Variants in MYO1B observed in about 807,000 individuals in gnomAD.
MYO1B encodes myosin IB.
A neutral mutation model predicts 159.7 loss-of-function variants in MYO1B; 72 were observed. The ratio of observed to expected loss-of-function variants is 0.45; its 90% CI spans 0.37 to 0.55. MYO1B has a LOEUF of 0.55. MYO1B is among the 20% of genes least tolerant of loss of function. The pLI is 0.00. For synonymous variants in MYO1B, 468 were observed against 473.8 expected (o/e 0.99, Z 0.16); for missense variants, 1,062 against 1,364.8 (o/e 0.78, Z 3.50).
intron 9 of MYO1B, 166 bp from the exon 10 acceptor site, chr2:191,363,562 G>C: frequency 4.5e-6 from 2 of 443,474 alleles, no homozygotes; most frequent in Non-Finnish European, 6.0e-6. Flanking sequence ...CACAGCACCA[G>C]AGGTACCCCC....
At position 191,411,105 on chromosome 2, in the gene MYO1B, C is replaced by T. The variant is rs149864441; in HGVS notation, c.2806C>T (p.Leu936Phe). The change falls in exon 27 of 31, where the codon CTT becomes TTT. Residue 936 changes from leucine to phenylalanine, a missense_variant. Physicochemically the swap from Leu to Phe is conservative, Grantham distance 22. Coordinates refer to ENST00000392318, the MANE Select transcript of MYO1B (RefSeq NM_001130158.3). ...GGACCAATTCACAGACCAGCAGAAA[C>T]TTATTTATGAAGAGAAACTAGAAGC... ...YRDQFTDQQK[L>F]IYEEKLEASE... The T allele has an allele frequency of 4.3e-6, 7 of 1,612,016 alleles. No homozygotes were observed. In the African/African-American group the frequency reaches 8.0e-5, roughly 18 times the overall value.
chr2:191,333,982 C>G (rs1294569236), intron 4 of MYO1B, among the ~76,000 whole-genome samples: 2 of 152,136 alleles, frequency 1.3e-5, no homozygotes, highest in Admixed American at 6.5e-5. Flanking sequence ...CTATTTGACT[C>G]TATCTACAAG....
chr2:191,365,935 G>A (rs138367930), intron 11 of MYO1B, among the ~76,000 whole-genome samples: 8 of 152,314 alleles, frequency 5.3e-5, no homozygotes, highest in African/African-American at 1.4e-4. Flanking sequence ...CTGGTGGACT[G>A]ACTGACTAAA....
intron 4 of MYO1B, among the ~76,000 whole-genome samples, chr2:191,330,287 C>CA (rs1691385865): frequency 6.6e-6 from 1 of 152,132 alleles, no homozygotes; most frequent in Non-Finnish European, 1.5e-5. Flanking sequence ...CTGGATGGTG[C>CA]AAGATCTTTT....
chr2:191,265,135 G>A (rs1433149490), intron 1 of MYO1B, among the ~76,000 whole-genome samples: 1 of 151,322 alleles, frequency 6.6e-6, no homozygotes, highest in Admixed American at 6.6e-5. Context: ...ACTAAATTCA[G>A]TACATTTCTC....
chr2:191,320,425 T>C (rs1690630583), intron 3 of MYO1B, among the ~76,000 whole-genome samples: 2 of 152,178 alleles, frequency 1.3e-5, no homozygotes, highest in Non-Finnish European at 2.9e-5. Context: ...AAGACTCTTA[T>C]TATTCTTATT....
At chr2:191,289,852 T>C (rs749307550) in intron 2 of MYO1B, among the ~76,000 whole-genome samples, 5 of 152,186 alleles carry the variant, frequency 3.3e-5, no homozygotes, top group Non-Finnish European at 7.3e-5. Flanking sequence ...ATAAAAGATA[T>C]TAAAACTATT....
At chr2:191,292,209 C>T (rs1018954211) in intron 2 of MYO1B, among the ~76,000 whole-genome samples, 1 of 152,170 alleles carries the variant, frequency 6.6e-6, no homozygotes, top group Non-Finnish European at 1.5e-5. Flanking sequence ...TCCTGCTTGG[C>T]ACCATTTTTA....
At chr2:191,308,017 C>T (rs966620750) in intron 3 of MYO1B, among the ~76,000 whole-genome samples, 1 of 152,078 alleles carries the variant, frequency 6.6e-6, no homozygotes, top group Admixed American at 6.5e-5. Flanking sequence ...ACCCAATCTC[C>T]AGCTCCCCTC....
At chr2:191,346,921 A>T (rs959548750) in intron 6 of MYO1B, among the ~76,000 whole-genome samples, 2 of 152,216 alleles carry the variant, frequency 1.3e-5, no homozygotes, top group African/African-American at 4.8e-5. Context: ...GGGCTCCTCC[A>T]GGCGGGCCAT....
At chr2:191,422,378 G>A (rs993151454) in intron 30 of MYO1B, among the ~76,000 whole-genome samples, 6 of 152,144 alleles carry the variant, frequency 3.9e-5, no homozygotes, top group South Asian at 2.1e-4. Context: ...GGGGTTCCTC[G>A]CAGCACCAGC....
chr2:191,346,443 G>A (rs536790623), intron 6 of MYO1B, among the ~76,000 whole-genome samples, 161 bp downstream of exon 6: 4 of 152,232 alleles, frequency 2.6e-5, no homozygotes, highest in African/African-American at 9.6e-5. Context: ...TTGATTTCTG[G>A]AATTTTCCTT....
chr2:191,365,693 A>G lies in MYO1B; in HGVS notation c.1032+1417A>G, dbSNP rs529666685. On this transcript the variant is annotated intron_variant, in intron 11 of 30. Coordinates refer to ENST00000392318, the MANE Select transcript of MYO1B (RefSeq NM_001130158.3). ...AAGAGGTTAGGGAAGACCCCATGGA[A>G]ACAATCAAAGGATTTAGATGTGTGA... 6.6e-5 allele frequency among the ~76,000 whole-genome samples: 10 copies of G among 152,346 alleles called. No homozygotes were observed. The South Asian group carries it at 2.1e-3, about 32-fold the overall frequency.
At chr2:191,297,555 A>G (rs529956797) in intron 3 of MYO1B, among the ~76,000 whole-genome samples, 1 of 152,222 alleles carries the variant, frequency 6.6e-6, no homozygotes, top group Non-Finnish European at 1.5e-5. Flanking sequence ...AACAGATGAT[A>G]TGCTGAAAAC....
intron 1 of MYO1B, among the ~76,000 whole-genome samples, chr2:191,255,848 C>T (rs1204468752): frequency 6.6e-6 from 1 of 152,122 alleles, no homozygotes; most frequent in Non-Finnish European, 1.5e-5. Context: ...TGGACACGAG[C>T]GTCCTGCTCA....
At chr2:191,279,563 A>G (rs891973919) in intron 2 of MYO1B, among the ~76,000 whole-genome samples, 1 of 152,160 alleles carries the variant, frequency 6.6e-6, no homozygotes, top group African/African-American at 2.4e-5. Context: ...CACACTCTCC[A>G]GCCCCACATG....
intron 30 of MYO1B, 36 bp from the exon 31 acceptor site, chr2:191,423,801 G>A (rs1337533256): frequency 1.3e-6 from 2 of 1,594,506 alleles, no homozygotes; most frequent in Non-Finnish European, 1.7e-6. Flanking sequence ...GAGCTGTTTT[G>A]TGTATACTTT....
rs766631515 is a variant in MYO1B, at chr2:191,385,972, A to G, written c.1442A>G (p.Gln481Arg). 5.6e-6 allele frequency: 9 copies of G among 1,614,156 alleles called. No individual in the cohort carries two copies. The highest frequency in any genetic ancestry group is 7.6e-6 in the Non-Finnish European group (9 of 1,180,000). Residue 481 changes from glutamine (Q) to arginine (R), a missense_variant, in exon 16 of 31, where the codon CAA becomes CGA. Around this residue, in one of 5 missense-constraint regions of MYO1B, gnomAD observed 9 missense variants for 31.9 expected, o/e 0.28. Coordinates refer to ENST00000392318, the MANE Select transcript of MYO1B (RefSeq NM_001130158.3). ...GAGACCTTCTTAGAAAAGCTGAACC[A>G]AGTATGTGCCACCCACCAGCATTTT... The part of the protein sequence containing the change: ...TDETFLEKLN[Q>R]VCATHQHFES...
intron 1 of MYO1B, among the ~76,000 whole-genome samples, chr2:191,264,985 G>A (rs1687045578): frequency 6.6e-6 from 1 of 151,984 alleles, no homozygotes; most frequent in African/African-American, 2.4e-5. Flanking sequence ...GCAGAGCTGG[G>A]CCTGCAACTT....
Sources: gnomAD v4.1 joint callset for allele counts (sites outside exome capture counted in the v4.1 genomes callset) on GRCh38, gnomAD v4.1.1 for gene constraint, gnomAD v4.1.1 regional missense constraint, MANE v1.5 for transcripts, NCBI Gene and HGNC (gene_info 2026-07-23, HGNC 2026-07-21) for gene names.